Variants in TRPM3 observed in about 807,000 individuals in gnomAD.
TRPM3 encodes transient receptor potential cation channel subfamily M member 3.
TRPM3 carries 77 observed loss-of-function variants against 181.2 expected under a neutral mutation model. That is an observed-to-expected ratio of 0.42 (90% CI 0.35 to 0.51). TRPM3 has a LOEUF of 0.51. Among genes scored for constraint, TRPM3 ranks in the 20% least tolerant of loss-of-function variants. The probability of loss-of-function intolerance (pLI) is 0.01; values close to 1 mark genes in which losing one functional copy is unlikely to be tolerated. For synonymous variants in TRPM3, 745 were observed against 796.4 expected (o/e 0.94, Z 1.09); for missense variants, 1,759 against 2,196.7 (o/e 0.80, Z 3.98).
Position 71,168,514 on chromosome 9 carries a change from T to TTC in TRPM3, c.183+278138_183+278139insGA, listed in dbSNP as rs1239465315. Among the ~76,000 whole-genome samples, 5 of 142,122 alleles carry TTC rather than the reference T, an allele frequency of 3.5e-5. No individual in the cohort carries two copies. In the South Asian group the frequency reaches 8.6e-4, roughly 25 times the overall value. 93.2% of individuals were successfully genotyped at this position (142,122 alleles called of 152,430 possible). On this transcript the variant is annotated intron_variant, in intron 1 of 24. Coordinates refer to the TRPM3 transcript ENST00000357533. ...TTCTTTAGCCCTGACATTTTTCTTT[T>TTC]TTTTTTTTTTTTTAAGGTGTGATTT...
chr9:70,548,847 G>GTTCTCT (rs1554738077), intron 25 of TRPM3, among the ~76,000 whole-genome samples: 1 of 150,062 alleles, frequency 6.7e-6, no homozygotes, highest in Non-Finnish European at 1.5e-5. Flanking sequence ...AAGATCTTGT[G>GTTCTCT]CTCTCTCTCT....
intron 1 of TRPM3, among the ~76,000 whole-genome samples, chr9:70,992,264 G>T (rs1017209202): frequency 2.6e-5 from 4 of 152,172 alleles, no homozygotes; most frequent in Non-Finnish European, 5.9e-5. Context: ...CCTACAAGCT[G>T]GTGTTCTAGT....
intron 1 of TRPM3, among the ~76,000 whole-genome samples, chr9:71,391,416 C>T (rs942939379): frequency 1.3e-5 from 2 of 151,980 alleles, no homozygotes; most frequent in African/African-American, 2.4e-5. Flanking sequence ...TAAAATATGA[C>T]GTGATCTTGC....
intron 6 of TRPM3, among the ~76,000 whole-genome samples, chr9:70,822,754 T>C (rs75334344): frequency 0.052 from 5,950 of 114,638 alleles, 414 homozygotes; most frequent in African/African-American, 0.17. Context: ...AAACAAAGAT[T>C]TGTCTTGTGT....
intron 1 of TRPM3, among the ~76,000 whole-genome samples, chr9:71,443,049 CATA>C (rs1209031144): frequency 2.6e-5 from 4 of 152,144 alleles, no homozygotes; most frequent in South Asian, 2.1e-4. Context: ...GTATAACTTT[CATA>C]ATAATAAAAC....
At chr9:71,165,235 C>T (rs2076482661) in intron 1 of TRPM3, among the ~76,000 whole-genome samples, 1 of 152,108 alleles carries the variant, frequency 6.6e-6, no homozygotes, top group South Asian at 2.1e-4. Context: ...ATATCAACCT[C>T]ATAGGGTTTG....
intron 12 of TRPM3, among the ~76,000 whole-genome samples, chr9:70,629,697 A>T (rs752984164): frequency 1.3e-5 from 2 of 152,208 alleles, no homozygotes; most frequent in Non-Finnish European, 2.9e-5. Context: ...CCCAGAGTGG[A>T]TGAAGGATTA....
intron 6 of TRPM3, among the ~76,000 whole-genome samples, chr9:70,808,183 T>C (rs958682765): frequency 6.6e-6 from 1 of 152,226 alleles, no homozygotes; most frequent in Non-Finnish European, 1.5e-5. Flanking sequence ...TAGGAACCTA[T>C]TGTATCTGAC....
At chr9:71,376,479 T>C (rs1239286140) in intron 1 of TRPM3, among the ~76,000 whole-genome samples, 2 of 152,118 alleles carry the variant, frequency 1.3e-5, no homozygotes, top group African/African-American at 4.8e-5. Context: ...TTTGTAACCA[T>C]GTATAAAGTA....
chr9:70,870,930 T>G (rs2095776830), intron 1 of TRPM3, among the ~76,000 whole-genome samples: 1 of 152,024 alleles, frequency 6.6e-6, no homozygotes, highest in South Asian at 2.1e-4. Flanking sequence ...AACTATATTT[T>G]ATATAGTCAG....
At chr9:70,698,697 C>T (rs747663051) in intron 8 of TRPM3, among the ~76,000 whole-genome samples, 9 of 152,052 alleles carry the variant, frequency 5.9e-5, no homozygotes, top group Non-Finnish European at 1.2e-4. Flanking sequence ...GTGATTGGAT[C>T]GTGGGGGCAG....
intron 1 of TRPM3, among the ~76,000 whole-genome samples, chr9:71,387,306 T>C (rs1299780935): frequency 6.6e-6 from 1 of 152,202 alleles, no homozygotes; most frequent in Non-Finnish European, 1.5e-5. Flanking sequence ...TAAATCCTCA[T>C]GGTCAAACCA....
At chr9:71,023,615 CT>C (rs2097863823) in intron 1 of TRPM3, among the ~76,000 whole-genome samples, 1 of 151,260 alleles carries the variant, frequency 6.6e-6, no homozygotes, top group Admixed American at 6.6e-5. Context: ...GTTAAGCCAA[CT>C]GTGGAATACT....
At chr9:71,431,019 T>C (rs1164815707) in intron 1 of TRPM3, among the ~76,000 whole-genome samples, 2 of 152,206 alleles carry the variant, frequency 1.3e-5, no homozygotes, top group South Asian at 2.1e-4. Flanking sequence ...GTGATGGACA[T>C]CAATACTTAT....
intron 1 of TRPM3, among the ~76,000 whole-genome samples, chr9:70,965,473 A>T (rs1428244246): frequency 6.6e-6 from 1 of 152,086 alleles, no homozygotes; most frequent in South Asian, 2.1e-4. Context: ...AAGAGTCATT[A>T]GTTTTGTGAC....
At chr9:70,954,078 C>T (rs1212174041) in intron 1 of TRPM3, among the ~76,000 whole-genome samples, 2 of 152,106 alleles carry the variant, frequency 1.3e-5, no homozygotes, top group African/African-American at 2.4e-5. Flanking sequence ...AACAGGACTC[C>T]TCCACTCTGA....
At chr9:70,995,690 T>G (rs1268883073) in intron 1 of TRPM3, among the ~76,000 whole-genome samples, 1 of 152,180 alleles carries the variant, frequency 6.6e-6, no homozygotes, top group Non-Finnish European at 1.5e-5. Flanking sequence ...TGTCAGAGGT[T>G]CCTAGCATCT....
rs914572919 is a variant in TRPM3, at chr9:70,638,987, G to T, written c.1581+73C>A. On this transcript the variant is annotated intron_variant, in intron 11 of 25. Transcript: ENST00000677713. ...ACGGGAGAAGGGAAGAGAATCACAG[G>T]CATATGGGGGGCAGGAGAAGGTAAA... is the stretch of plus-strand genomic sequence containing the variant. 2.6e-5 allele frequency: 39 copies of T among 1,514,776 alleles called. 1 individual carries two copies. In the Admixed American group the frequency reaches 6.8e-4, roughly 26 times the overall value. 93.8% of individuals were successfully genotyped at this position (1,514,776 alleles called of 1,614,324 possible).
chr9:71,126,008 C>G (rs1035513009), upstream of TRPM3, among the ~76,000 whole-genome samples: 11 of 152,220 alleles, frequency 7.2e-5, no homozygotes, highest in Admixed American at 6.5e-4. Flanking sequence ...CTACAAGGAA[C>G]TTAAGCAAAT....
Sources: gnomAD v4.1 joint callset for allele counts (sites outside exome capture counted in the v4.1 genomes callset) on GRCh38, gnomAD v4.1.1 for gene constraint, MANE v1.5 for transcripts, NCBI Gene and HGNC (gene_info 2026-07-23, HGNC 2026-07-21) for gene names.